ITGA10: variants seen among roughly 807,000 people sequenced by gnomAD.
ITGA10 encodes the protein integrin alpha-10.
A neutral mutation model predicts 145.2 loss-of-function variants in ITGA10; 105 were observed. That is an observed-to-expected ratio of 0.72 (90% CI 0.62 to 0.85). The LOEUF is 0.85. Among genes scored for constraint, ITGA10 ranks in the 40% least tolerant of loss-of-function variants. The pLI is 0.00. For synonymous variants in ITGA10, 506 were observed against 557.8 expected, an observed-to-expected ratio of 0.91 and a Z score of 1.31; for missense variants, 1,317 against 1,444.5, an observed-to-expected ratio of 0.91 and a Z score of 1.43.
chr1:145,906,077 G>A (rs782194565), intron 5 of ITGA10: 10 of 295,190 alleles, frequency 3.4e-5, no homozygotes, highest in East Asian at 1.8e-4. Context: ...ATGCACTAGC[G>A]CACCCAGCTA....
rs781948162 is a variant in ITGA10, at chr1:145,901,238, G to A, written c.1484C>T (p.Thr495Ile). 10 of 1,614,050 alleles carry A rather than the reference G, an allele frequency of 6.2e-6. No homozygotes were observed. Among genetic ancestry groups the A allele is most frequent in the East Asian group, 2.2e-5 (1 of 44,868 alleles). ...GACATCAGTTGTTCCATCCCTATCTGTATCCAATGGGCAGAGCTCACTGCC... is the reference window on the plus strand; with the variant it reads ...GACATCAGTTGTTCCATCCCTATCTATATCCAATGGGCAGAGCTCACTGCC... The part of the protein sequence containing the change: ...YFGSELCPLD[T>I]DRDGTTDVLL... Residue 495 changes from threonine to isoleucine, a missense_variant, in exon 13 of 30, where the codon ACA becomes ATA. Physicochemically the swap from Thr to Ile is moderately conservative, Grantham distance 89. Transcript: ENST00000369304. This position sits in a 1 kb window ranked among gnomAD's most constrained non-coding sequence, Gnocchi z 4.3.
At chr1:145,904,493 T>C (rs1656834620) in intron 6 of ITGA10, among the ~76,000 whole-genome samples, 191 bp downstream of exon 6, 1 of 151,720 alleles carries the variant, frequency 6.6e-6, no homozygotes, top group Non-Finnish European at 1.5e-5. Flanking sequence ...CTCAGCCTCC[T>C]GAGTAGCTGG....
At chr1:145,904,241 G>A in intron 6 of ITGA10, 41 bp from the exon 7 acceptor site, 1 of 1,598,298 alleles carries the variant, frequency 6.3e-7, no homozygotes, top group Non-Finnish European at 8.6e-7. Flanking sequence ...ATGTATGTGA[G>A]ATGGGGGGAG....
intron 25 of ITGA10, 67 bp downstream of exon 25, chr1:145,895,916 T>G: frequency 8.0e-7 from 1 of 1,246,832 alleles, no homozygotes; most frequent in Non-Finnish European, 1.2e-6. Context: ...GCTGGTGTGG[T>G]GTCCAGCTTC....
At chr1:145,897,381 G>C in intron 20 of ITGA10, 42 bp from the exon 21 acceptor site, 2 of 1,604,508 alleles carry the variant, frequency 1.2e-6, no homozygotes, top group Non-Finnish European at 1.7e-6. Context: ...AGCTGGGGCT[G>C]CAACTGCTGT....
intron 7 of ITGA10, 83 bp from the exon 8 acceptor site, chr1:145,903,044 C>G (rs1428950329): frequency 1.1e-6 from 1 of 949,908 alleles, no homozygotes; most frequent in Non-Finnish European, 1.5e-6. Flanking sequence ...CACACACACA[C>G]ACACACACAC....
In ITGA10 at chr1:145,906,513, G is replaced by A. The variant is rs782088551; in HGVS notation, c.367-5C>T. On this transcript the variant is annotated splice_polypyrimidine_tract_variant and splice_region_variant and intron_variant, in intron 4 of 29. Coordinates refer to ENST00000369304, the MANE Select transcript of ITGA10 (RefSeq NM_003637.5). The stretch of plus-strand genomic sequence containing the variant: ...AGACCAGAGAGGGGCACAGGCCTGG[G>A]GATGGGGGAAATAGTTACTCCCAGG... 4 of 1,612,660 alleles carry A rather than the reference G, an allele frequency of 2.5e-6. No homozygotes were observed. In the Admixed American group the frequency reaches 5.0e-5, roughly 20 times the overall value.
rs782603355 is a variant in ITGA10 at position 145,902,317 on chromosome 1, A to G, written c.1078T>C (p.Ser360Pro). Reference sequence around the variant, plus strand: ...AAGGAGCTTTCGTTTTCTGCATGGGACCCTTGGTCATGAGAAAACATTGAG... The same window carrying G: ...AAGGAGCTTTCGTTTTCTGCATGGGGCCCTTGGTCATGAGAAAACATTGAG... ...LGDRIFGLEG[S>P]HAENESSFGL... The change falls in exon 10 of 30, where the codon TCC becomes CCC. Residue 360 changes from serine to proline, a missense_variant and splice_region_variant. Ser to Pro is a moderately conservative substitution (Grantham distance 74, BLOSUM62 -1). Coordinates refer to ENST00000369304, the MANE Select transcript of ITGA10 (RefSeq NM_003637.5). The G allele has an allele frequency of 4.3e-6, 7 of 1,613,874 alleles. No individual in the cohort carries two copies. The Admixed American group carries it at 1.2e-4, about 27-fold the overall frequency.
At chr1:145,904,872 G>T (rs1656907999) in intron 5 of ITGA10, 61 bp from the exon 6 acceptor site, 2 of 1,563,528 alleles carry the variant, frequency 1.3e-6, no homozygotes, top group Non-Finnish European at 8.8e-7. Flanking sequence ...AGGGAAAGAG[G>T]TCACAGGAGG....
At chr1:145,897,725 A>G in intron 19 of ITGA10, 72 bp from the exon 20 acceptor site, 1 of 1,612,068 alleles carries the variant, frequency 6.2e-7, no homozygotes, top group Non-Finnish European at 8.5e-7. Flanking sequence ...TTTTGTTATC[A>G]TGGGTAAGAA....
At position 145,896,777 on chromosome 1, in the gene ITGA10, C is replaced by G; in HGVS notation, c.2826G>C (p.Leu942=). The G allele has an allele frequency of 1.9e-6, 3 of 1,613,376 alleles. No individual in the cohort carries two copies. Among genetic ancestry groups the G allele is most frequent in the Non-Finnish European group, 2.5e-6 (3 of 1,179,352 alleles). Residue 942 remains leucine, a synonymous_variant, in exon 23 of 30, where the codon CTG becomes CTC. Coordinates refer to ENST00000369304, the MANE Select transcript of ITGA10 (RefSeq NM_003637.5). ...SAYIQYEPHL[L]FSSESTLHRY... ...CTAGAAGCTGGGCATACCTAGAGAA[C>G]AGGAGGTGGGGCTCATATTGGATGT...
chr1:145,908,015 C>T (rs1657396379), intron 1 of ITGA10, among the ~76,000 whole-genome samples: 1 of 151,974 alleles, frequency 6.6e-6, no homozygotes, highest in Non-Finnish European at 1.5e-5. Flanking sequence ...CATGATCCGC[C>T]CGCCTCGGCC....
chr1:145,896,804 G>C lies in ITGA10; in HGVS notation c.2799C>G (p.Ala933=). The change falls in exon 23 of 30, where the codon GCC becomes GCG. Residue 933 remains alanine (A), a synonymous_variant. Coordinates refer to ENST00000369304, the MANE Select transcript of ITGA10 (RefSeq NM_003637.5). The part of the protein sequence containing the change: ...TLQDNTAQTS[A]YIQYEPHLLF... ...GGAGGTGGGGCTCATATTGGATGTA[G>C]GCTGAGGTCTGGGCTGTGTTATCTT... 1 of 1,614,060 alleles carries C rather than the reference G, an allele frequency of 6.2e-7. No individual in the cohort carries two copies. Among genetic ancestry groups the C allele is most frequent in the South Asian group, 1.1e-5 (1 of 91,078 alleles).
rs782095728 is a variant in ITGA10 at position 145,893,524 on chromosome 1, C to T, written c.3324+16G>A. 4.4e-6 allele frequency: 7 copies of T among 1,590,358 alleles called. No homozygotes were observed. The highest frequency in any genetic ancestry group is 4.5e-5 in the East Asian group (2 of 44,382). On this transcript the variant is annotated intron_variant, in intron 28 of 29. Coordinates refer to ENST00000369304, the MANE Select transcript of ITGA10 (RefSeq NM_003637.5). ...TCATTATTTTCACAGCTCTCAGACT[C>T]GGTCTCCAGCCCTACCTCACTCCAA...
At position 145,896,935 on chromosome 1, in the gene ITGA10, A is replaced by G. The variant is rs992031287; in HGVS notation, c.2744+76T>C. On this transcript the variant is annotated intron_variant, in intron 22 of 29. Transcript: ENST00000369304. ...CCCTTCTCTGTTAATAGAGGAATCA[A>G]TGTTGTTCCTCCCCACCCCTCCAGT... 69 of 1,524,168 alleles carry G rather than the reference A, an allele frequency of 4.5e-5. 1 individual carries two copies. In the African/African-American group the frequency reaches 5.3e-4, roughly 12 times the overall value. The allele number at this position is 1,524,168 out of a possible 1,614,324, so 94.4% of individuals were successfully genotyped here.
chr1:145,902,632 A>C lies in ITGA10; in HGVS notation c.910-13T>G. 1 of 1,586,394 alleles carries C rather than the reference A, an allele frequency of 6.3e-7. No homozygotes were observed. Among genetic ancestry groups the C allele is most frequent in the Non-Finnish European group, 8.6e-7 (1 of 1,168,632 alleles). Reference sequence around the variant, plus strand: ...AGTGACCAAGGACCTAAGAGGTCATAAGATCAAGGAATGAGGCATTAGAGT... The same window carrying C: ...AGTGACCAAGGACCTAAGAGGTCATCAGATCAAGGAATGAGGCATTAGAGT... On this transcript the variant is annotated splice_polypyrimidine_tract_variant and intron_variant, in intron 8 of 29. Transcript: ENST00000369304.
rs1255181302 is a variant in ITGA10, at chr1:145,899,324, T to G, written c.1940A>C (p.His647Pro). 2 of 1,614,062 alleles carry G rather than the reference T, an allele frequency of 1.2e-6. No individual in the cohort carries two copies. Among genetic ancestry groups the G allele is most frequent in the East Asian group, 2.2e-5 (1 of 44,876 alleles). ...AILLSSRPIV[H>P]LTPSLEVTPQ... Reference sequence around the variant, plus strand: ...GGTCACCTCCAGTGATGGGGTCAGATGGACAATGGGCCGGGAGCTGGGAAC... The same window carrying G: ...GGTCACCTCCAGTGATGGGGTCAGAGGGACAATGGGCCGGGAGCTGGGAAC... Residue 647 changes from histidine to proline, a missense_variant, in exon 16 of 30, where the codon CAT (histidine) becomes CCT (proline). Physicochemically the swap from His to Pro is moderately conservative, Grantham distance 77 (BLOSUM62 -2). Coordinates refer to ENST00000369304, the MANE Select transcript of ITGA10 (RefSeq NM_003637.5).
intron 27 of ITGA10, 56 bp downstream of exon 27, chr1:145,895,224 T>C (rs1228042751): frequency 6.1e-6 from 8 of 1,314,296 alleles, no homozygotes; most frequent in East Asian, 2.3e-5. Flanking sequence ...CCAAAACCTA[T>C]GCTAAAGTTC....
At chr1:145,895,907 C>G (rs1272217294) in intron 25 of ITGA10, 76 bp downstream of exon 25, 1 of 1,202,346 alleles carries the variant, frequency 8.3e-7, no homozygotes, top group African/African-American at 1.5e-5. Context: ...AGATAGGGAG[C>G]TGGTGTGGTG....
Sources: allele counts gnomAD v4.1 joint callset (sites outside exome capture counted in the v4.1 genomes callset), GRCh38; gene constraint gnomAD v4.1.1; non-coding constraint Gnocchi (gnomAD v3.1); transcripts MANE v1.5; gene names NCBI Gene and HGNC (gene_info 2026-07-23, HGNC 2026-07-21).